Variants in PPT1 observed in about 807,000 individuals in gnomAD.
PPT1 encodes the protein palmitoyl-protein thioesterase 1, also known as ceroid-palmitoyl-palmitoyl-protein thioesterase 1.
PPT1 carries 24 observed loss-of-function variants against 44.0 expected under a neutral mutation model. That is an observed-to-expected ratio of 0.54 (90% confidence interval 0.39 to 0.77). The LOEUF is 0.77. Ranked by LOEUF, PPT1 falls within the 30% of genes least tolerant of loss-of-function variation. The pLI is 0.00. For synonymous variants in PPT1, 148 were observed against 140.2 expected, an observed-to-expected ratio of 1.06 and a Z score of -0.39; for missense variants, 341 against 378.8, an observed-to-expected ratio of 0.90 and a Z score of 0.83.
chr1:40,082,146 G>A (rs1028786733), intron 5 of PPT1: 7 of 152,180 alleles, frequency 4.6e-5, no homozygotes, highest in African/African-American at 1.7e-4. Flanking sequence ...CTCTATCCCA[G>A]GTTGGCAGGG....
chr1:40,097,040 C>G lies in PPT1; in HGVS notation c.124+75G>C. ...GGACCACGTCCTCGCCCTCTACACC[C>G]GCATTTTGCAGATGCGAACCCAGGC... On this transcript the variant is annotated intron_variant, in intron 1 of 8. Coordinates refer to ENST00000642050, the MANE Select transcript of PPT1 (RefSeq NM_000310.4). 6 of 1,613,054 alleles carry G rather than the reference C, an allele frequency of 3.7e-6. No individual in the cohort carries two copies. The South Asian group carries it at 5.5e-5, about 15-fold the overall frequency.
chr1:40,094,383 C>T (rs974884174), intron 1 of PPT1, among the ~76,000 whole-genome samples: 6 of 152,160 alleles, frequency 3.9e-5, no homozygotes, highest in Admixed American at 3.9e-4. Flanking sequence ...GCTGATCTGA[C>T]AGGAGGTAGA....
At chr1:40,071,522 A>G (rs1363166533), downstream of PPT1, 2 of 1,612,134 alleles carry the variant, frequency 1.2e-6, no homozygotes, top group African/African-American at 1.3e-5. Flanking sequence ...AGTGACAGAA[A>G]TTGCTGGATA....
chr1:40,080,829 G>T (rs907303382), intron 5 of PPT1, among the ~76,000 whole-genome samples: 1 of 152,218 alleles, frequency 6.6e-6, no homozygotes, highest in Admixed American at 6.5e-5. Context: ...AGCTGAGATC[G>T]CAGCACTGCA....
chr1:40,083,443 C>T (rs1378678640), intron 5 of PPT1, among the ~76,000 whole-genome samples: 1 of 152,066 alleles, frequency 6.6e-6, no homozygotes, highest in African/African-American at 2.4e-5. Flanking sequence ...CAAGAGAGCA[C>T]AACCCTGTCT....
chr1:40,094,455 T>A (rs1181517279), intron 1 of PPT1, among the ~76,000 whole-genome samples: 6 of 151,936 alleles, frequency 3.9e-5, no homozygotes, highest in Admixed American at 3.9e-4. Context: ...TCCTAACAGG[T>A]CACAGACCCA....
chr1:40,089,297 A>AAAAAAAAAAAAAATAAATAATT, intron 5 of PPT1, 113 bp downstream of exon 5: 1 of 616,452 alleles, frequency 1.6e-6, no homozygotes, highest in Non-Finnish European at 2.9e-6. Context: ...AAAAAAAAAG[A>AAAAAAAAAAAAAATAAATAATT]TCTCATTTGA....
At position 40,089,727 on chromosome 1, in the gene PPT1, C is replaced by T. The variant is rs7543269; in HGVS notation, c.434-215G>A. On this transcript the variant is annotated intron_variant, in intron 4 of 8. Coordinates refer to ENST00000642050, the MANE Select transcript of PPT1 (RefSeq NM_000310.4). ...CTGCCTAAGGATCTTTTTACCTGCT[C>T]ATCCCTGGAGGATGTGTTGCATCAC... The T allele has an allele frequency of 0.095, 60,821 of 638,564 alleles. 3,217 individuals are homozygous for T. The highest frequency in any genetic ancestry group is 0.14 in the Admixed American group (6,726 of 47,760). The allele number at this position is 638,564 out of a possible 1,614,324, so 39.6% of individuals were successfully genotyped here.
intron 8 of PPT1, among the ~76,000 whole-genome samples, chr1:40,076,193 A>G (rs1014835609): frequency 6.6e-6 from 1 of 151,568 alleles, no homozygotes; most frequent in Admixed American, 6.6e-5. Context: ...GGCCAGGCGC[A>G]CTGGCTCACG....
intron 4 of PPT1, among the ~76,000 whole-genome samples, chr1:40,089,804 C>T (rs1227259835): frequency 6.6e-6 from 1 of 152,196 alleles, no homozygotes; most frequent in African/African-American, 2.4e-5. Flanking sequence ...CAAGTCACAT[C>T]TGACCACCTT....
At position 40,087,480 on chromosome 1, in the gene PPT1, T is replaced by C. The variant is rs377451513; in HGVS notation, c.536+1930A>G. ...CTGGTCTTGAACTCCAGGCCTCAAG[T>C]GATCTGCCTACCAAGGCCTCCCAAA... On this transcript the variant is annotated intron_variant, in intron 5 of 8. Coordinates refer to ENST00000642050, the MANE Select transcript of PPT1 (RefSeq NM_000310.4). Among the ~76,000 whole-genome samples the C allele has an allele frequency of 2.7e-4, 41 of 152,074 alleles. 2 individuals are homozygous for C. The South Asian group carries it at 7.5e-3, about 28-fold the overall frequency.
intron 6 of PPT1, 76 bp downstream of exon 6, chr1:40,080,321 T>C: frequency 7.0e-7 from 1 of 1,435,734 alleles, no homozygotes; most frequent in South Asian, 1.1e-5. Context: ...GGGTAAACAG[T>C]CACTGCTGAT....
chr1:40,092,062 G>A lies in PPT1; in HGVS notation c.345C>T (p.Ser115=). The change falls in exon 3 of 9, where the codon TCC becomes TCT. Residue 115 remains serine (S), a synonymous_variant. Coordinates refer to ENST00000642050, the MANE Select transcript of PPT1 (RefSeq NM_000310.4). ...GAACGTACAGAAATTGGCCTCCCTGGGAGAATCCCATAGCATTGTAGCCTT... is the reference window on the plus strand; with the variant it reads ...GAACGTACAGAAATTGGCCTCCCTGAGAGAATCCCATAGCATTGTAGCCTT... ...LQQGYNAMGF[S]QGGQFLRAVA... 1 of 1,614,032 alleles carries A rather than the reference G, an allele frequency of 6.2e-7. No individual in the cohort carries two copies. Among genetic ancestry groups the A allele is most frequent in the Admixed American group, 1.7e-5 (1 of 60,018 alleles).
In PPT1 at chr1:40,080,411, T is replaced by A; in HGVS notation, c.613A>T (p.Ile205Leu). ...TGGGTGCTTACCCGCTCCTGATTTA[T>A]ATCTGCCAAGAAGATGCTGTGGTTG... ...YRNHSIFLAD[I>L]NQERGINESY... Residue 205 changes from isoleucine to leucine, a missense_variant, in exon 6 of 9, where the codon ATA becomes TTA. Ile to Leu is a conservative substitution (Grantham distance 5). Transcript: ENST00000642050. The A allele has an allele frequency of 1.9e-6, 3 of 1,614,076 alleles. No homozygotes were observed. Among genetic ancestry groups the A allele is most frequent in the Non-Finnish European group, 2.5e-6 (3 of 1,179,970 alleles).
At chr1:40,091,185 T>C (rs1236915462) in intron 4 of PPT1, 144 bp downstream of exon 4, 1 of 856,186 alleles carries the variant, frequency 1.2e-6, no homozygotes, top group Non-Finnish European at 1.9e-6. Flanking sequence ...CCAGCAATGC[T>C]GGCTAGTTTG....
intron 4 of PPT1, among the ~76,000 whole-genome samples, chr1:40,090,218 C>T (rs1425090327): frequency 3.3e-5 from 5 of 152,124 alleles, no homozygotes; most frequent in Admixed American, 2.6e-4. Context: ...GGCACAATTA[C>T]AGCACACCAC....
chr1:40,073,394 T>G lies in PPT1; in HGVS notation c.*667A>C, dbSNP rs1648378039. 1 of 153,016 alleles carries G rather than the reference T, an allele frequency of 6.5e-6. No homozygotes were observed. Among genetic ancestry groups the G allele is most frequent in the African/African-American group, 2.4e-5 (1 of 41,464 alleles). 9.5% of individuals were successfully genotyped at this position (153,016 alleles called of 1,614,324 possible). The stretch of plus-strand genomic sequence containing the variant: ...AGTTATACAAGATGTACATTTCCTC[T>G]CTTAAGCAACTTAATTTGGGTGCTA... On this transcript the variant is annotated 3_prime_UTR_variant, in exon 9 of 9. Coordinates refer to ENST00000642050, the MANE Select transcript of PPT1 (RefSeq NM_000310.4).
At chr1:40,077,630 A>G (rs796478897) in intron 7 of PPT1, among the ~76,000 whole-genome samples, 8 of 152,224 alleles carry the variant, frequency 5.3e-5, no homozygotes, top group Non-Finnish European at 1.0e-4. Flanking sequence ...CAATCGGCCA[A>G]TCCCTGGTGG....
chr1:40,084,987 CA>C (rs1649179883), intron 5 of PPT1, among the ~76,000 whole-genome samples: 2 of 152,262 alleles, frequency 1.3e-5, no homozygotes, highest in Admixed American at 1.3e-4. Context: ...CACTACTTAG[CA>C]GACTGGGAAA....
Sources: gnomAD v4.1 joint callset for allele counts (sites outside exome capture counted in the v4.1 genomes callset) on GRCh38, gnomAD v4.1.1 for gene constraint, MANE v1.5 for transcripts, NCBI Gene and HGNC (gene_info 2026-07-23, HGNC 2026-07-21) for gene names.